ADAMTSL1: variants seen among roughly 807,000 people sequenced by gnomAD.
ADAMTSL1 encodes ADAMTS like 1.
Under a neutral mutation model 201.8 loss-of-function variants are expected in ADAMTSL1, and 126 were observed. The ratio of observed to expected loss-of-function variants is 0.62; its 90% CI spans 0.54 to 0.72. ADAMTSL1 has a LOEUF of 0.72. Among genes scored for constraint, ADAMTSL1 ranks in the 30% least tolerant of loss-of-function variants. ADAMTSL1 has a pLI of 0.00. For synonymous variants in ADAMTSL1, 1,121 were observed against 903.4 expected (o/e 1.24, Z -4.32); for missense variants, 2,679 against 2,277.8 (o/e 1.18, Z -3.59).
intron 2 of ADAMTSL1, among the ~76,000 whole-genome samples, chr9:18,452,082 T>G (rs1820428325): frequency 6.6e-6 from 1 of 152,086 alleles, no homozygotes; most frequent in African/African-American, 2.4e-5. Context: ...CCTGGCTAAT[T>G]TTGTATTTTT....
intron 20 of ADAMTSL1, among the ~76,000 whole-genome samples, chr9:18,807,645 C>CAAAA (rs1179713904): frequency 0.013 from 920 of 68,506 alleles, 19 homozygotes; most frequent in Non-Finnish European, 0.022. Flanking sequence ...GACTCTGTCT[C>CAAAA]AAAAAAAAAA....
intron 26 of ADAMTSL1, among the ~76,000 whole-genome samples, chr9:18,898,540 C>CTGAT (rs2131592459): frequency 6.6e-6 from 1 of 152,302 alleles, no homozygotes; most frequent in South Asian, 2.1e-4. Flanking sequence ...AAACCTATGA[C>CTGAT]TGATTGGGGT....
chr9:18,063,862 A>G (rs1218968741), intron 1 of ADAMTSL1, among the ~76,000 whole-genome samples: 1 of 152,162 alleles, frequency 6.6e-6, no homozygotes, highest in Non-Finnish European at 1.5e-5. Flanking sequence ...TTGCTGTTGC[A>G]GAGACGTTTG....
At chr9:18,346,005 C>T (rs1835696943) in intron 2 of ADAMTSL1, among the ~76,000 whole-genome samples, 1 of 152,162 alleles carries the variant, frequency 6.6e-6, no homozygotes, top group Admixed American at 6.5e-5. Flanking sequence ...CCTTTTGTGA[C>T]TCTCTGGTCC....
At chr9:18,344,509 T>G (rs936295938) in intron 2 of ADAMTSL1, among the ~76,000 whole-genome samples, 53 of 152,230 alleles carry the variant, frequency 3.5e-4, no homozygotes, top group African/African-American at 1.2e-3. Flanking sequence ...ATCTTTTAAA[T>G]TTGGAAACCT....
At chr9:18,126,272 C>A (rs1282679405) in intron 1 of ADAMTSL1, among the ~76,000 whole-genome samples, 1 of 152,200 alleles carries the variant, frequency 6.6e-6, no homozygotes, top group Non-Finnish European at 1.5e-5. Flanking sequence ...TGTGTACCCA[C>A]CATCCAGATC....
intron 3 of ADAMTSL1, among the ~76,000 whole-genome samples, chr9:18,551,440 G>C (rs1009959830): frequency 2.0e-5 from 3 of 151,530 alleles, no homozygotes; most frequent in African/African-American, 7.3e-5. Flanking sequence ...CTTTGAAAGA[G>C]TTTATTTTAT....
chr9:18,204,595 A>T (rs1044566291), intron 2 of ADAMTSL1, among the ~76,000 whole-genome samples: 5 of 152,140 alleles, frequency 3.3e-5, no homozygotes, highest in African/African-American at 9.7e-5. Context: ...ATGTTTATTG[A>T]CACAGGTTGG....
intron 2 of ADAMTSL1, among the ~76,000 whole-genome samples, chr9:18,367,819 G>A (rs900011619): frequency 4.6e-5 from 7 of 152,124 alleles, no homozygotes; most frequent in African/African-American, 1.2e-4. Flanking sequence ...CAACGGATGG[G>A]TGGATGGATG....
chr9:17,952,929 TCC>T (rs1287908561), intron 1 of ADAMTSL1, among the ~76,000 whole-genome samples: 5 of 24,420 alleles, frequency 2.0e-4, no homozygotes, highest in African/African-American at 5.5e-4. Context: ...CTCCTCCTCC[TCC>T]TCCTCCTCCT....
At chr9:18,474,453 T>C (rs1821352274) in intron 1 of ADAMTSL1, among the ~76,000 whole-genome samples, 158 bp downstream of exon 1, 1 of 152,132 alleles carries the variant, frequency 6.6e-6, no homozygotes, top group Non-Finnish European at 1.5e-5. Context: ...ATACTCCTTC[T>C]AGAACTTTTA....
intron 2 of ADAMTSL1, among the ~76,000 whole-genome samples, chr9:18,522,285 CTAAAA>C (rs1277100742): frequency 6.6e-6 from 1 of 151,930 alleles, no homozygotes; most frequent in Non-Finnish European, 1.5e-5. Context: ...GTACCCGAGT[CTAAAA>C]TAAAAGTTGA....
intron 2 of ADAMTSL1, among the ~76,000 whole-genome samples, chr9:18,260,438 T>C (rs1831873041): frequency 6.6e-6 from 1 of 152,228 alleles, no homozygotes. Flanking sequence ...TTCAGCAATA[T>C]GGCACCCAGC....
At chr9:18,870,019 T>G (rs779869123) in intron 23 of ADAMTSL1, among the ~76,000 whole-genome samples, 50 of 152,282 alleles carry the variant, frequency 3.3e-4, no homozygotes, top group South Asian at 1.9e-3. Flanking sequence ...GCTCTAATCT[T>G]CTGTTAAGAT....
At chr9:18,781,286 G>A (rs2133778962) in intron 19 of ADAMTSL1, among the ~76,000 whole-genome samples, 1 of 152,278 alleles carries the variant, frequency 6.6e-6, no homozygotes, top group Non-Finnish European at 1.5e-5. Context: ...GAAGATACCT[G>A]AGAGGCAGGA....
intron 3 of ADAMTSL1, among the ~76,000 whole-genome samples, chr9:18,533,995 G>A (rs989157038): frequency 6.6e-6 from 1 of 152,164 alleles, no homozygotes; most frequent in Non-Finnish European, 1.5e-5. Flanking sequence ...CAAGTTTGGA[G>A]GCAGGAATGT....
At position 18,614,319 on chromosome 9, in the gene ADAMTSL1, T is replaced by C. The variant is rs963822904; in HGVS notation, c.475-7924T>C. 6.9e-4 allele frequency among the ~76,000 whole-genome samples: 105 copies of C among 152,154 alleles called. 1 individual carries two copies. The highest frequency in any genetic ancestry group is 2.0e-3 in the African/African-American group (83 of 41,442). On this transcript the variant is annotated intron_variant, in intron 4 of 28. Coordinates refer to ENST00000380548, the MANE Select transcript of ADAMTSL1 (RefSeq NM_001040272.6). ...TGCCATCTAAACCTCAAGGGGAACA[T>C]GGTATCTTATAGACTAGAGAGATGC... is the stretch of plus-strand genomic sequence containing the variant.
chr9:18,874,347 G>A (rs749444652), intron 23 of ADAMTSL1, among the ~76,000 whole-genome samples: 17 of 152,080 alleles, frequency 1.1e-4, no homozygotes, highest in Admixed American at 2.0e-4. Flanking sequence ...GAAGAGAAGC[G>A]GTAAAAGTGG....
intron 4 of ADAMTSL1, among the ~76,000 whole-genome samples, chr9:18,598,232 GTTTTA>G (rs1719174871): frequency 6.6e-6 from 1 of 152,054 alleles, no homozygotes; most frequent in Non-Finnish European, 1.5e-5. Flanking sequence ...TCCTTATTTT[GTTTTA>G]TTTTATTTTA....
Sources: allele counts gnomAD v4.1 joint callset (sites outside exome capture counted in the v4.1 genomes callset), GRCh38; gene constraint gnomAD v4.1.1; transcripts MANE v1.5; gene names NCBI Gene and HGNC (gene_info 2026-07-23, HGNC 2026-07-21).